The following GPC6 variants were observed in gnomAD, a reference collection of about 807,000 sequenced individuals.
The protein encoded by GPC6 is glypican-6.
A neutral mutation model predicts 55.2 loss-of-function variants in GPC6; 14 were observed. The ratio of observed to expected loss-of-function variants is 0.25; its 90% CI spans 0.17 to 0.40. The LOEUF (loss-of-function observed/expected upper bound fraction) is 0.40. Among genes scored for constraint, GPC6 ranks in the 10% least tolerant of loss-of-function variants. The pLI, the probability that GPC6 is intolerant of heterozygous loss-of-function variation, is 1.00. For missense variants in GPC6, 641 were observed against 708.5 expected (o/e 0.90, Z 1.08); for synonymous variants, 278 against 259.6 (o/e 1.07, Z -0.68).
intron 3 of GPC6, among the ~76,000 whole-genome samples, chr13:94,015,227 A>G (rs1882414405): frequency 6.6e-6 from 1 of 152,158 alleles, no homozygotes; most frequent in South Asian, 2.1e-4. Context: ...TATTATTGTC[A>G]TCTTAATGGT....
intron 1 of GPC6, among the ~76,000 whole-genome samples, chr13:93,419,656 G>A (rs188568511): frequency 1.1e-3 from 163 of 152,248 alleles, no homozygotes; most frequent in African/African-American, 3.7e-3. Flanking sequence ...CTGTAACACA[G>A]TGAAGCCTCC....
At chr13:93,597,308 C>G (rs1041570531) in intron 2 of GPC6, among the ~76,000 whole-genome samples, 1 of 152,174 alleles carries the variant, frequency 6.6e-6, no homozygotes, top group Non-Finnish European at 1.5e-5. Flanking sequence ...GATATCAGAG[C>G]AGACCCTAGT....
chr13:93,424,750 C>T (rs780471085), intron 1 of GPC6, among the ~76,000 whole-genome samples: 2 of 151,988 alleles, frequency 1.3e-5, no homozygotes, highest in East Asian at 3.9e-4. Context: ...ATTTGTCAAA[C>T]GTTTTCATTG....
At chr13:93,851,926 T>C (rs866073785) in intron 3 of GPC6, among the ~76,000 whole-genome samples, 3 of 151,666 alleles carry the variant, frequency 2.0e-5, no homozygotes, top group Admixed American at 6.6e-5. Flanking sequence ...GTTTTTATGA[T>C]AGTTATATGA....
chr13:94,033,372 G>A (rs954585348), intron 4 of GPC6, among the ~76,000 whole-genome samples: 8 of 152,154 alleles, frequency 5.3e-5, no homozygotes, highest in Non-Finnish European at 1.0e-4. Flanking sequence ...TGGCTACTTG[G>A]TGCACAAATG....
At chr13:93,645,016 GT>G (rs1458692979) in intron 2 of GPC6, among the ~76,000 whole-genome samples, 8 of 152,042 alleles carry the variant, frequency 5.3e-5, no homozygotes, top group African/African-American at 1.9e-4. Flanking sequence ...GAAGGTTACA[GT>G]AGGACTGAAG....
At chr13:94,185,224 G>T (rs1475595065) in intron 4 of GPC6, among the ~76,000 whole-genome samples, 2 of 137,288 alleles carry the variant, frequency 1.5e-5, no homozygotes, top group Non-Finnish European at 1.5e-5. Context: ...ATACCCATGT[G>T]ACAAACTTGC....
chr13:93,867,881 G>A (rs1416179933), intron 3 of GPC6, among the ~76,000 whole-genome samples: 2 of 151,754 alleles, frequency 1.3e-5, no homozygotes, highest in African/African-American at 4.8e-5. Context: ...TCCATGTCTT[G>A]TTGTGGGACC....
chr13:93,551,070 C>A (rs1875133798), intron 2 of GPC6, among the ~76,000 whole-genome samples: 1 of 152,060 alleles, frequency 6.6e-6, no homozygotes, highest in Non-Finnish European at 1.5e-5. Context: ...GAAGAGCTTG[C>A]AGTTCAGTAT....
chr13:94,274,635 G>A (rs1023967907), intron 4 of GPC6, among the ~76,000 whole-genome samples: 3 of 151,964 alleles, frequency 2.0e-5, no homozygotes, highest in African/African-American at 7.2e-5. Flanking sequence ...CAAATTACAA[G>A]GAAGAAACAA....
At chr13:93,335,147 G>A (rs959752451) in intron 1 of GPC6, among the ~76,000 whole-genome samples, 1 of 152,128 alleles carries the variant, frequency 6.6e-6, no homozygotes, top group East Asian at 1.9e-4. Flanking sequence ...GAAGGCAGGT[G>A]TCTCTAGGTA....
intron 7 of GPC6, among the ~76,000 whole-genome samples, chr13:94,388,167 T>C (rs1048537471): frequency 1.3e-5 from 2 of 152,328 alleles, no homozygotes; most frequent in African/African-American, 4.8e-5. Flanking sequence ...ACCATGTGTT[T>C]TATCTGGTGT....
Position 93,227,323 on chromosome 13 carries a change from C to A in GPC6, c.-134C>A, listed in dbSNP as rs1875823737. The stretch of plus-strand genomic sequence containing the variant: ...CAGAGGGCTGCGCTGCTCGTCCCCT[C>A]GGCTGGCAGAAGGGGGTGACGCTGG... On this transcript the variant is annotated 5_prime_UTR_variant, in exon 1 of 9. Transcript: ENST00000377047. This position sits in a 1 kb window ranked among gnomAD's most constrained non-coding sequence, Gnocchi z 4.3. The A allele has an allele frequency of 2.4e-6, 2 of 825,046 alleles. No individual in the cohort carries two copies. The highest frequency in any genetic ancestry group is 3.3e-5 in the South Asian group (2 of 61,018). 51.1% of individuals were successfully genotyped at this position (825,046 alleles called of 1,614,324 possible). A position where few individuals can be genotyped will look rare whatever the true frequency, so the allele number is the denominator to read the frequency against.
rs1343597639 is a variant in GPC6 at position 94,407,196 on chromosome 13, T to C, written c.*3979T>C. 6.6e-6 allele frequency: 1 copy of C among 152,012 alleles called. No individual in the cohort carries two copies. Among genetic ancestry groups the C allele is most frequent in the African/African-American group, 2.4e-5 (1 of 41,404 alleles). 9.4% of individuals were successfully genotyped at this position (152,012 alleles called of 1,614,324 possible). On this transcript the variant is annotated 3_prime_UTR_variant, in exon 9 of 9. Transcript: ENST00000377047. The stretch of plus-strand genomic sequence containing the variant: ...TGACATTGCCTTGTAATGAGGTACT[T>C]CCAAAAAAAGACCCCTAACAATGGC...
intron 2 of GPC6, among the ~76,000 whole-genome samples, chr13:93,687,762 C>G (rs1882102078): frequency 6.8e-6 from 1 of 147,584 alleles, no homozygotes; most frequent in African/African-American, 2.5e-5. Context: ...CAAGAAAGGC[C>G]AAGGCTACTA....
intron 1 of GPC6, among the ~76,000 whole-genome samples, chr13:93,307,246 A>T (rs770650820): frequency 6.6e-6 from 1 of 152,166 alleles, no homozygotes; most frequent in Non-Finnish European, 1.5e-5. Flanking sequence ...GGGTGAAATT[A>T]TAGCCATATG....
At chr13:93,729,394 T>G (rs1032868391) in intron 2 of GPC6, among the ~76,000 whole-genome samples, 7 of 152,162 alleles carry the variant, frequency 4.6e-5, no homozygotes, top group Non-Finnish European at 7.3e-5. Flanking sequence ...TCCTTTATAA[T>G]GTACCATGAG....
chr13:93,922,247 C>A, intron 3 of GPC6, among the ~76,000 whole-genome samples: 1 of 151,994 alleles, frequency 6.6e-6, no homozygotes, highest in East Asian at 1.9e-4. Flanking sequence ...GGAGGCTACC[C>A]TGGAAAAGCC....
chr13:93,614,792 G>A (rs1057074629), intron 2 of GPC6, among the ~76,000 whole-genome samples: 6 of 152,016 alleles, frequency 3.9e-5, no homozygotes, highest in Non-Finnish European at 8.8e-5. Context: ...AGCATAACAC[G>A]TTTTGTTTAG....
Sources: gnomAD v4.1 joint callset for allele counts (sites outside exome capture counted in the v4.1 genomes callset) on GRCh38, gnomAD v4.1.1 for gene constraint, Gnocchi (gnomAD v3.1) non-coding constraint, MANE v1.5 for transcripts, NCBI Gene and HGNC (gene_info 2026-07-23, HGNC 2026-07-21) for gene names.